Variants in MED30 observed in about 807,000 individuals in gnomAD.
MED30 encodes mediator complex subunit 30, also known as mediator of RNA polymerase II transcription subunit 30.
In MED30, 8 loss-of-function variants were observed where a neutral mutation model predicts 21.7. The observed-to-expected ratio is 0.37, with a 90% CI of 0.22 to 0.67. The LOEUF (loss-of-function observed/expected upper bound fraction) is 0.67. Ranked by LOEUF, MED30 falls within the 30% of genes least tolerant of loss-of-function variation. The pLI is 0.58. For missense variants in MED30, 203 were observed against 228.2 expected (o/e 0.89, Z 0.71); for synonymous variants, 79 against 86.7 (o/e 0.91, Z 0.49).
At position 117,528,701 on chromosome 8, in the gene MED30, A is replaced by G. The variant is rs1818755117; in HGVS notation, c.228A>G (p.Thr76=). 6.2e-7 allele frequency: 1 copy of G among 1,609,250 alleles called. No homozygotes were observed. The highest frequency in any genetic ancestry group is 1.3e-5 in the African/African-American group (1 of 74,684). ...CTGGAACATATCAAGACCGGTTAAC[A>G]AAGCTACAGGATAATCTTCGCCAAC... ...YHTGTYQDRL[T]KLQDNLRQLS... is the part of the protein sequence containing the mutation. The change falls in exon 2 of 4, where the codon ACA becomes ACG. Residue 76 remains threonine, a synonymous_variant. Coordinates refer to ENST00000297347, the MANE Select transcript of MED30 (RefSeq NM_080651.4).
intron 1 of MED30, among the ~76,000 whole-genome samples, chr8:117,525,814 A>G (rs947079505): frequency 6.6e-6 from 1 of 152,092 alleles, no homozygotes; most frequent in African/African-American, 2.4e-5. Context: ...AATGCAAAAC[A>G]TTCTTTTAAT....
At chr8:117,521,090 C>T (rs1343492932) in intron 1 of MED30, 37 bp downstream of exon 1, 6 of 1,542,154 alleles carry the variant, frequency 3.9e-6, no homozygotes, top group Middle Eastern at 3.5e-4. Context: ...GGGGATGCAG[C>T]TGGGAGGGAA....
intron 1 of MED30, among the ~76,000 whole-genome samples, chr8:117,522,079 TCAA>T (rs1400122395): frequency 6.6e-6 from 1 of 152,230 alleles, no homozygotes; most frequent in African/African-American, 2.4e-5. Flanking sequence ...CTCATCCTCA[TCAA>T]CACCTGTTAT....
chr8:117,534,770 G>T (rs368572887), intron 3 of MED30, among the ~76,000 whole-genome samples: 1 of 150,988 alleles, frequency 6.6e-6, no homozygotes, highest in Non-Finnish European at 1.5e-5. Context: ...ATGGGAGAGG[G>T]CTAACATTTG....
chr8:117,526,270 T>G (rs1292505169), intron 1 of MED30, among the ~76,000 whole-genome samples: 1 of 152,064 alleles, frequency 6.6e-6, no homozygotes, highest in Non-Finnish European at 1.5e-5. Flanking sequence ...TTCTTTTTAA[T>G]GTTTCAACAT....
intron 1 of MED30, among the ~76,000 whole-genome samples, chr8:117,521,788 G>T (rs560948415): frequency 6.6e-6 from 1 of 151,868 alleles, no homozygotes; most frequent in Admixed American, 6.6e-5. Flanking sequence ...TTGTATCCAT[G>T]TATCACCATT....
intron 2 of MED30, 71 bp from the exon 3 acceptor site, chr8:117,530,652 T>C: frequency 9.6e-7 from 1 of 1,036,458 alleles, no homozygotes; most frequent in Non-Finnish European, 1.4e-6. Flanking sequence ...TAATCTGATA[T>C]ATTCTCTATA....
chr8:117,539,751 A>G, intron 3 of MED30, 132 bp from the exon 4 acceptor site: 2 of 593,702 alleles, frequency 3.4e-6, no homozygotes, highest in Non-Finnish European at 2.9e-6. Context: ...GGTTGAGACC[A>G]TCTGCCTTAT....
intron 3 of MED30, among the ~76,000 whole-genome samples, chr8:117,531,148 G>C (rs1011882402): frequency 9.2e-5 from 14 of 152,034 alleles, no homozygotes; most frequent in African/African-American, 3.4e-4. Context: ...AGCAGCAAAT[G>C]ATAAAAATTT....
chr8:117,526,242 T>C (rs1051530842), intron 1 of MED30, among the ~76,000 whole-genome samples: 1 of 152,086 alleles, frequency 6.6e-6, no homozygotes, highest in Non-Finnish European at 1.5e-5. Context: ...ATATTATTTG[T>C]AAATAGATTA....
chr8:117,523,210 GTT>G (rs369071775), intron 1 of MED30: 132 of 627,530 alleles, frequency 2.1e-4, no homozygotes, highest in East Asian at 4.2e-4. Flanking sequence ...TTTTTTTTAA[GTT>G]TTTTTTTTTT....
chr8:117,522,996 A>T (rs1818654168), intron 1 of MED30, among the ~76,000 whole-genome samples: 1 of 152,146 alleles, frequency 6.6e-6, no homozygotes, highest in South Asian at 2.1e-4. Flanking sequence ...ACTGAGGCTT[A>T]ATGAGAGAAA....
At chr8:117,532,086 A>G (rs1451142420) in intron 3 of MED30, among the ~76,000 whole-genome samples, 11 of 152,080 alleles carry the variant, frequency 7.2e-5, no homozygotes, top group Admixed American at 7.2e-4. Flanking sequence ...GAATAAACTT[A>G]TTAAGATACA....
intron 1 of MED30, among the ~76,000 whole-genome samples, chr8:117,525,144 T>C (rs551841022): frequency 2.0e-5 from 3 of 151,964 alleles, no homozygotes; most frequent in African/African-American, 7.3e-5. Context: ...TCCACAGAGA[T>C]TGAACTAATT....
chr8:117,523,142 A>G, intron 1 of MED30: 1 of 607,630 alleles, frequency 1.6e-6, no homozygotes, highest in Non-Finnish European at 2.9e-6. Context: ...ACTTTTTCAA[A>G]AAAAGTATTT....
intron 3 of MED30, among the ~76,000 whole-genome samples, chr8:117,532,584 T>C (rs1487556980): frequency 3.9e-5 from 6 of 151,982 alleles, no homozygotes; most frequent in Non-Finnish European, 7.4e-5. Flanking sequence ...GCTTTTACAT[T>C]ACACCATAAA....
chr8:117,535,885 T>G (rs1182569024), intron 3 of MED30, among the ~76,000 whole-genome samples: 1 of 152,142 alleles, frequency 6.6e-6, no homozygotes, highest in African/African-American at 2.4e-5. Flanking sequence ...AAATGCATAG[T>G]TTTTAATAAT....
Position 117,520,867 on chromosome 8 carries a change from C to T in MED30, c.-10C>T. ...TCTGGCCCCTTCCGGCCTGAAGCTGCAGCCGCGCCATGTCCACCCCTCCGT... is the reference window on the plus strand; with the variant it reads ...TCTGGCCCCTTCCGGCCTGAAGCTGTAGCCGCGCCATGTCCACCCCTCCGT... On this transcript the variant is annotated 5_prime_UTR_variant, in exon 1 of 4. Transcript: ENST00000297347. 6.3e-7 allele frequency: 1 copy of T among 1,579,970 alleles called. No individual in the cohort carries two copies. Among genetic ancestry groups the T allele is most frequent in the South Asian group, 1.1e-5 (1 of 87,672 alleles).
At chr8:117,521,957 AC>A (rs1818629850) in intron 1 of MED30, among the ~76,000 whole-genome samples, 1 of 152,214 alleles carries the variant, frequency 6.6e-6, no homozygotes, top group Admixed American at 6.5e-5. Flanking sequence ...ATCATGCAGT[AC>A]ATGTCTGTTT....
Sources: gnomAD v4.1 joint callset for allele counts (sites outside exome capture counted in the v4.1 genomes callset) on GRCh38, gnomAD v4.1.1 for gene constraint, MANE v1.5 for transcripts, NCBI Gene and HGNC (gene_info 2026-07-23, HGNC 2026-07-21) for gene names.